HSD17B12: variants seen among roughly 807,000 people sequenced by gnomAD.
HSD17B12 encodes hydroxysteroid 17-beta dehydrogenase 12.
In HSD17B12, 32 loss-of-function variants were observed where a neutral mutation model predicts 39.3. The observed-to-expected ratio is 0.81, with a 90% CI of 0.61 to 1.09. The LOEUF is 1.09. Among genes scored for constraint, HSD17B12 ranks in the 50% least tolerant of loss-of-function variants. The probability of loss-of-function intolerance (pLI) is 0.00; values close to 1 mark genes in which losing one functional copy is unlikely to be tolerated. For missense variants in HSD17B12, 342 were observed against 382.9 expected (o/e 0.89, Z 0.89); for synonymous variants, 150 against 146.7 (o/e 1.02, Z -0.16).
rs757424909 is a variant in HSD17B12, at chr11:43,680,984, G to T, written c.157G>T (p.Ala53Ser). ...AGVGPGLGEW[A>S]VVTGSTDGIG... ...GGTCGGCCCGGGGCTCGGAGAATGG[G>T]CAGGTGAGTCGGATGCAGCGCCGCG... Residue 53 changes from alanine to serine, a missense_variant, in exon 1 of 11, where the codon GCA becomes TCA. Transcript: ENST00000278353. 6.3e-7 allele frequency: 1 copy of T among 1,597,292 alleles called. No individual in the cohort carries two copies. Among genetic ancestry groups the T allele is most frequent in the South Asian group, 1.1e-5 (1 of 89,992 alleles).
chr11:43,625,277 A>G, the HSD17B12 span, among the ~76,000 whole-genome samples: 5 of 151,650 alleles, frequency 3.3e-5, no homozygotes, highest in East Asian at 1.9e-4. Context: ...TCAAGATGGC[A>G]TATTTAAATA....
the HSD17B12 span, among the ~76,000 whole-genome samples, chr11:43,671,092 G>C: frequency 3.9e-5 from 6 of 152,222 alleles, no homozygotes; most frequent in South Asian, 6.2e-4. Context: ...TTGCATAACT[G>C]TCCTACAGTT....
intron 7 of HSD17B12, chr11:43,838,083 G>C: frequency 1.9e-6 from 1 of 517,518 alleles, no homozygotes. Context: ...TATGCCCTGG[G>C]TTACTAAGAC....
chr11:43,666,990 A>G, the HSD17B12 span, among the ~76,000 whole-genome samples: 3 of 152,232 alleles, frequency 2.0e-5, no homozygotes, highest in Non-Finnish European at 4.4e-5. Context: ...TGCAGATAGC[A>G]AACCAACTGA....
intron 1 of HSD17B12, among the ~76,000 whole-genome samples, chr11:43,747,451 G>C (rs986707059): frequency 1.3e-5 from 2 of 152,140 alleles, no homozygotes; most frequent in African/African-American, 4.8e-5. Context: ...TGGGGTGCCT[G>C]CATAAACTGC....
At chr11:43,782,913 G>T (rs1000571376) in intron 3 of HSD17B12, among the ~76,000 whole-genome samples, 2 of 152,180 alleles carry the variant, frequency 1.3e-5, no homozygotes, top group Non-Finnish European at 2.9e-5. Flanking sequence ...AAATCAAAAT[G>T]ATGTGCCACC....
intron 4 of HSD17B12, among the ~76,000 whole-genome samples, chr11:43,800,817 G>A (rs1192262331): frequency 6.6e-6 from 1 of 151,926 alleles, no homozygotes; most frequent in Non-Finnish European, 1.5e-5. Flanking sequence ...TCATCAATCA[G>A]TGAACTAGAG....
chr11:43,774,642 G>C (rs1950681771), intron 3 of HSD17B12, among the ~76,000 whole-genome samples: 1 of 152,166 alleles, frequency 6.6e-6, no homozygotes, highest in African/African-American at 2.4e-5. Flanking sequence ...AAATGTGCTA[G>C]AGACTCTTCG....
At chr11:43,598,981 T>G in the HSD17B12 span, among the ~76,000 whole-genome samples, 10 of 152,234 alleles carry the variant, frequency 6.6e-5, no homozygotes, top group African/African-American at 2.2e-4. Flanking sequence ...GGTTGCCAAC[T>G]CTGCCACCGA....
At chr11:43,805,000 T>C (rs1951005197) in intron 4 of HSD17B12, among the ~76,000 whole-genome samples, 1 of 152,182 alleles carries the variant, frequency 6.6e-6, no homozygotes. Context: ...GAGCAATAGA[T>C]GTAGGCCTAG....
At chr11:43,561,720 T>C in the HSD17B12 span, among the ~76,000 whole-genome samples, 1 of 152,130 alleles carries the variant, frequency 6.6e-6, no homozygotes, top group African/African-American at 2.4e-5. Context: ...TGGTCTAGGC[T>C]ACTGACAGTA....
At chr11:43,677,698 G>T (rs12363159), upstream of HSD17B12, among the ~76,000 whole-genome samples, 141,515 of 151,516 alleles carry the variant, frequency 0.93, 66,836 homozygotes, top group East Asian at 1. Flanking sequence ...GTGGTGTTGG[G>T]TTTTTGTCCT....
intron 3 of HSD17B12, among the ~76,000 whole-genome samples, chr11:43,770,181 T>C (rs1165163933): frequency 6.6e-6 from 1 of 152,226 alleles, no homozygotes; most frequent in African/African-American, 2.4e-5. Context: ...ACAAATTTTG[T>C]TGAGCTGATT....
At chr11:43,775,450 A>G (rs1010485759) in intron 3 of HSD17B12, among the ~76,000 whole-genome samples, 1 of 152,056 alleles carries the variant, frequency 6.6e-6, no homozygotes, top group Non-Finnish European at 1.5e-5. Flanking sequence ...GTGGCTCCTG[A>G]TCCAGAGAAC....
chr11:43,791,732 G>C (rs1950869778), intron 3 of HSD17B12, among the ~76,000 whole-genome samples: 1 of 152,132 alleles, frequency 6.6e-6, no homozygotes. Flanking sequence ...GCTTTCAAAA[G>C]GATGGAGCCT....
intron 3 of HSD17B12, chr11:43,755,530 G>C (rs1950500686): frequency 6.6e-6 from 1 of 152,216 alleles, no homozygotes; most frequent in South Asian, 2.1e-4. Flanking sequence ...ATTACCATGT[G>C]TATTTATCTC....
chr11:43,606,011 C>T, the HSD17B12 span, among the ~76,000 whole-genome samples: 3 of 152,200 alleles, frequency 2.0e-5, no homozygotes, highest in Non-Finnish European at 4.4e-5. Flanking sequence ...GAGCAAAGAA[C>T]TCTAATGCTG....
At chr11:43,845,432 C>A (rs955804284) in intron 9 of HSD17B12, among the ~76,000 whole-genome samples, 9 of 151,768 alleles carry the variant, frequency 5.9e-5, no homozygotes, top group African/African-American at 1.7e-4. Flanking sequence ...CTAAAGAATG[C>A]AATCTAGGAT....
At chr11:43,729,599 C>T (rs571094484) in intron 1 of HSD17B12, among the ~76,000 whole-genome samples, 8 of 152,256 alleles carry the variant, frequency 5.3e-5, no homozygotes, top group African/African-American at 9.6e-5. Context: ...CATAAGAGGA[C>T]GCTTAAATCA....
Sources: gnomAD v4.1 joint callset for allele counts (sites outside exome capture counted in the v4.1 genomes callset) on GRCh38, gnomAD v4.1.1 for gene constraint, MANE v1.5 for transcripts, NCBI Gene and HGNC (gene_info 2026-07-23, HGNC 2026-07-21) for gene names.